The following DHX15 variants were observed in gnomAD, a reference collection of about 807,000 sequenced individuals.
DHX15 encodes the protein DEAH-box helicase 15.
DHX15 carries 11 observed loss-of-function variants against 94.4 expected under a neutral mutation model. The observed-to-expected ratio is 0.12, with a 90% CI of 0.07 to 0.19. The LOEUF (loss-of-function observed/expected upper bound fraction) is 0.19, where lower values mean the gene tolerates loss of function less well. DHX15 is among the 10% of genes least tolerant of loss of function. The pLI, the probability that DHX15 is intolerant of heterozygous loss-of-function variation, is 1.00. For missense variants in DHX15, 304 were observed against 988.5 expected (o/e 0.31, Z 9.29); for synonymous variants, 338 against 329.9 (o/e 1.02, Z -0.27).
intron 13 of DHX15, among the ~76,000 whole-genome samples, chr4:24,529,369 T>C (rs1577330084): frequency 6.6e-6 from 1 of 152,190 alleles, no homozygotes; most frequent in East Asian, 1.9e-4. Context: ...TATTCAAATG[T>C]AACTTCACAT....
chr4:24,554,630 TA>T, intron 5 of DHX15, 94 bp downstream of exon 5: 8 of 959,500 alleles, frequency 8.3e-6, no homozygotes, highest in Non-Finnish European at 1.3e-5. Context: ...AACATTGAAA[TA>T]AAAAATATGA....
In DHX15 at chr4:24,529,639, C is replaced by T. The variant is rs1721034879; in HGVS notation, c.2232G>A (p.Lys744=). 1 of 1,614,038 alleles carries T rather than the reference C, an allele frequency of 6.2e-7. No homozygotes were observed. The highest frequency in any genetic ancestry group is 8.5e-7 in the Non-Finnish European group (1 of 1,180,028). ...TATCTGTACATGTCCGGATGTAATT[C>T]TTTGTTGTTAGAACAAACTCATTAT... ...VLYNEFVLTT[K]NYIRTCTDIK... The change falls in exon 13 of 14, where the codon AAG becomes AAA. Residue 744 remains lysine (K), a synonymous_variant. Transcript: ENST00000336812.
intron 2 of DHX15, among the ~76,000 whole-genome samples, chr4:24,573,136 C>G (rs764810823): frequency 1.3e-4 from 20 of 152,176 alleles, no homozygotes; most frequent in Non-Finnish European, 1.8e-4. Context: ...GTCTCAAACC[C>G]CTGACCTCAG....
chr4:24,552,776 T>C (rs908512620), intron 5 of DHX15, among the ~76,000 whole-genome samples: 21 of 152,126 alleles, frequency 1.4e-4, no homozygotes, highest in Admixed American at 1.2e-3. Flanking sequence ...AAAGAAGCAA[T>C]GGTATGCAAA....
intron 1 of DHX15, among the ~76,000 whole-genome samples, chr4:24,582,041 G>A (rs1396059040): frequency 6.6e-6 from 1 of 152,022 alleles, no homozygotes; most frequent in African/African-American, 2.4e-5. Context: ...ACAAGCTTAT[G>A]CTCTCCAATA....
At chr4:24,533,947 T>C (rs1721142452) in intron 11 of DHX15, 1 of 152,234 alleles carries the variant, frequency 6.6e-6, no homozygotes, top group Non-Finnish European at 1.5e-5. Flanking sequence ...TCTTTTCTCT[T>C]TGGTTCTAGG....
intron 1 of DHX15, among the ~76,000 whole-genome samples, chr4:24,579,295 A>C (rs1277490352): frequency 6.6e-6 from 1 of 152,202 alleles, no homozygotes; most frequent in Admixed American, 6.5e-5. Context: ...TTATGGCTCA[A>C]ACTACCTTCC....
chr4:24,574,719 GTGA>G (rs1290876577), intron 2 of DHX15, among the ~76,000 whole-genome samples: 1 of 152,164 alleles, frequency 6.6e-6, no homozygotes, highest in Non-Finnish European at 1.5e-5. Context: ...CTGTAAAGTG[GTGA>G]TGAATATCTT....
chr4:24,533,955 A>G (rs1233731904), intron 11 of DHX15: 4 of 152,228 alleles, frequency 2.6e-5, no homozygotes, highest in Non-Finnish European at 5.9e-5. Context: ...CTTTGGTTCT[A>G]GGATTCTACC....
At position 24,527,801 on chromosome 4, in the gene DHX15, A is replaced by C. The variant is rs1336422236; in HGVS notation, c.*123T>G. On this transcript the variant is annotated 3_prime_UTR_variant, in exon 14 of 14. Transcript: ENST00000336812. ...CAGAATGGAATATTTACTGTAAAGA[A>C]AAATTAAAAAGCTTTCAAATAAAGG... is the stretch of plus-strand genomic sequence containing the variant. 1.6e-6 allele frequency: 1 copy of C among 626,826 alleles called. No individual in the cohort carries two copies. The highest frequency in any genetic ancestry group is 2.8e-5 in the Admixed American group (1 of 36,266). 38.8% of individuals were successfully genotyped at this position (626,826 alleles called of 1,614,324 possible).
chr4:24,530,123 T>C (rs1195505460), intron 12 of DHX15: 3 of 324,760 alleles, frequency 9.2e-6, no homozygotes, highest in East Asian at 9.0e-5. Flanking sequence ...CATTTGTCTA[T>C]ACCTATTATG....
intron 3 of DHX15, among the ~76,000 whole-genome samples, chr4:24,562,050 C>A (rs771678234): frequency 6.8e-6 from 1 of 147,374 alleles, no homozygotes; most frequent in Non-Finnish European, 1.5e-5. Context: ...AGAATCGAAT[C>A]GCTTGAACCC....
At chr4:24,549,862 G>A (rs1721549363) in intron 5 of DHX15, among the ~76,000 whole-genome samples, 1 of 152,016 alleles carries the variant, frequency 6.6e-6, no homozygotes, top group Non-Finnish European at 1.5e-5. Context: ...GGGAGGCCGA[G>A]GTGGGCGGAT....
intron 10 of DHX15, among the ~76,000 whole-genome samples, chr4:24,539,336 TA>T (rs1175277828): frequency 6.6e-6 from 1 of 152,194 alleles, no homozygotes; most frequent in Non-Finnish European, 1.5e-5. Flanking sequence ...TAATCGTCAG[TA>T]AGAACTTATT....
At chr4:24,560,221 T>A (rs1721839304) in intron 3 of DHX15, among the ~76,000 whole-genome samples, 2 of 151,538 alleles carry the variant, frequency 1.3e-5, no homozygotes, top group African/African-American at 4.8e-5. Flanking sequence ...ATTTTTGTAT[T>A]TATATATATG....
At chr4:24,580,527 T>A (rs201938244) in intron 1 of DHX15, among the ~76,000 whole-genome samples, 6 of 142,068 alleles carry the variant, frequency 4.2e-5, no homozygotes, top group East Asian at 2.2e-4. Flanking sequence ...TTTTTTTTTT[T>A]AAAGACAGTC....
intron 2 of DHX15, among the ~76,000 whole-genome samples, chr4:24,572,792 T>C (rs964536917): frequency 2.6e-5 from 4 of 152,162 alleles, no homozygotes; most frequent in Non-Finnish European, 4.4e-5. Flanking sequence ...TCCCAGGCAA[T>C]AGCTGGAGAA....
At chr4:24,556,769 A>G (rs1484612075) in intron 3 of DHX15, among the ~76,000 whole-genome samples, 1 of 152,142 alleles carries the variant, frequency 6.6e-6, no homozygotes, top group Non-Finnish European at 1.5e-5. Context: ...AATATTCAAC[A>G]CGCAAAATCT....
At chr4:24,528,512 ATTTT>A (rs1255664563) in intron 13 of DHX15, among the ~76,000 whole-genome samples, 2 of 152,300 alleles carry the variant, frequency 1.3e-5, no homozygotes, top group African/African-American at 4.8e-5. Context: ...TAGCTATATA[ATTTT>A]TTTCTCAACA....
Sources: allele counts gnomAD v4.1 joint callset (sites outside exome capture counted in the v4.1 genomes callset), GRCh38; gene constraint gnomAD v4.1.1; transcripts MANE v1.5; gene names NCBI Gene and HGNC (gene_info 2026-07-23, HGNC 2026-07-21).